Variants in FSTL5 observed in about 807,000 individuals in gnomAD.
FSTL5 encodes the protein follistatin like 5, also known as follistatin-related protein 5.
In FSTL5, 62 loss-of-function variants were observed where a neutral mutation model predicts 89.1. That is an observed-to-expected ratio of 0.70 (90% confidence interval 0.57 to 0.86). The LOEUF is 0.86. Ranked by LOEUF, FSTL5 falls within the 40% of genes least tolerant of loss-of-function variation. The pLI is 0.00. For missense variants in FSTL5, 1,057 were observed against 1,001.6 expected (o/e 1.06, Z -0.75); for synonymous variants, 383 against 346.2 (o/e 1.11, Z -1.18).
intron 2 of FSTL5, among the ~76,000 whole-genome samples, chr4:162,048,861 T>C (rs1274260007): frequency 6.6e-6 from 1 of 152,158 alleles, no homozygotes; most frequent in African/African-American, 2.4e-5. Flanking sequence ...AGCTGAAAAC[T>C]GAAACAGTCA....
chr4:161,728,905 T>A (rs549984461), intron 6 of FSTL5, among the ~76,000 whole-genome samples: 1 of 152,160 alleles, frequency 6.6e-6, no homozygotes, highest in African/African-American at 2.4e-5. Flanking sequence ...CCACCTGCAG[T>A]TAACGTTGCC....
intron 3 of FSTL5, among the ~76,000 whole-genome samples, chr4:161,982,784 T>A (rs968988643): frequency 1.3e-5 from 2 of 152,210 alleles, no homozygotes; most frequent in African/African-American, 4.8e-5. Context: ...TTTTGACTCA[T>A]TGATTTACTA....
chr4:161,617,558 C>A (rs561882499), intron 7 of FSTL5, among the ~76,000 whole-genome samples: 1 of 152,054 alleles, frequency 6.6e-6, no homozygotes, highest in South Asian at 2.1e-4. Flanking sequence ...GAAAATCATA[C>A]CTAGGCAAAT....
At chr4:161,564,008 G>A (rs1732707733) in intron 8 of FSTL5, among the ~76,000 whole-genome samples, 1 of 151,500 alleles carries the variant, frequency 6.6e-6, no homozygotes, top group Non-Finnish European at 1.5e-5. Context: ...TATAATAAAA[G>A]GAATAAAAAT....
intron 3 of FSTL5, among the ~76,000 whole-genome samples, chr4:161,990,862 T>G (rs1179683351): frequency 6.6e-6 from 1 of 152,186 alleles, no homozygotes; most frequent in Non-Finnish European, 1.5e-5. Flanking sequence ...GAAATTGAAC[T>G]GTGGAGACCT....
chr4:161,430,439 C>T (rs535339410), intron 15 of FSTL5, among the ~76,000 whole-genome samples: 38 of 152,272 alleles, frequency 2.5e-4, no homozygotes, highest in African/African-American at 7.0e-4. Context: ...TATCTCTAGA[C>T]ATTTAATAAT....
At chr4:162,024,542 C>T (rs1335059802) in intron 3 of FSTL5, among the ~76,000 whole-genome samples, 3 of 152,156 alleles carry the variant, frequency 2.0e-5, no homozygotes, top group Non-Finnish European at 2.9e-5. Flanking sequence ...ACATTTGGGG[C>T]ACACAGCAGT....
chr4:161,705,633 T>C (rs1738540704), intron 6 of FSTL5, among the ~76,000 whole-genome samples: 1 of 151,874 alleles, frequency 6.6e-6, no homozygotes. Flanking sequence ...CTCTGTACTT[T>C]GTGATTTGAT....
intron 8 of FSTL5, among the ~76,000 whole-genome samples, chr4:161,581,127 T>C (rs1195478400): frequency 1.3e-5 from 2 of 152,224 alleles, no homozygotes; most frequent in Non-Finnish European, 2.9e-5. Flanking sequence ...TTCCCACCTG[T>C]CATCTTTTTA....
At chr4:161,460,854 C>G (rs758822570) in intron 13 of FSTL5, among the ~76,000 whole-genome samples, 1 of 151,662 alleles carries the variant, frequency 6.6e-6, no homozygotes, top group Non-Finnish European at 1.5e-5. Context: ...GCAAGCACCA[C>G]AGATCCAAGG....
intron 6 of FSTL5, among the ~76,000 whole-genome samples, chr4:161,682,798 GT>G (rs1372791578): frequency 6.6e-6 from 1 of 151,876 alleles, no homozygotes; most frequent in East Asian, 1.9e-4. Context: ...CCAGGCTGGG[GT>G]GCAATGGCAT....
intron 2 of FSTL5, among the ~76,000 whole-genome samples, chr4:162,107,348 T>C (rs1213723943): frequency 6.6e-6 from 1 of 152,186 alleles, no homozygotes; most frequent in Non-Finnish European, 1.5e-5. Context: ...ACCTAATGTA[T>C]GGAATATAGC....
chr4:161,442,447 CA>C (rs1349574561), intron 15 of FSTL5, among the ~76,000 whole-genome samples: 16 of 152,070 alleles, frequency 1.1e-4, no homozygotes, highest in Non-Finnish European at 1.5e-5. Flanking sequence ...CAAATATCTT[CA>C]AAATGAGCTA....
chr4:161,524,783 C>G (rs1304701016), intron 10 of FSTL5, among the ~76,000 whole-genome samples: 1 of 151,974 alleles, frequency 6.6e-6, no homozygotes, highest in African/African-American at 2.4e-5. Flanking sequence ...CATGGTGAAA[C>G]CTTGTCTCTA....
chr4:161,811,643 G>A (rs28361905), intron 4 of FSTL5, among the ~76,000 whole-genome samples: 4,558 of 151,410 alleles, frequency 0.03, 76 homozygotes, highest in African/African-American at 0.041. Context: ...TATATCAAGC[G>A]GGCTTGAAAA....
At chr4:161,833,097 T>A (rs1290993439) in intron 4 of FSTL5, among the ~76,000 whole-genome samples, 1 of 151,032 alleles carries the variant, frequency 6.6e-6, no homozygotes, top group East Asian at 1.9e-4. Context: ...TTCTCGTTGG[T>A]TTCAAAGAAC....
At chr4:161,449,795 T>C (rs756243098) in intron 15 of FSTL5, among the ~76,000 whole-genome samples, 4 of 152,178 alleles carry the variant, frequency 2.6e-5, no homozygotes, top group Non-Finnish European at 5.9e-5. Flanking sequence ...TTTTAGTCAG[T>C]GAGAACCTTA....
At chr4:161,524,815 G>A (rs886448888) in intron 10 of FSTL5, among the ~76,000 whole-genome samples, 9 of 151,920 alleles carry the variant, frequency 5.9e-5, no homozygotes, top group African/African-American at 9.7e-5. Context: ...AAAATTAGCC[G>A]GAGGTGGTGG....
intron 4 of FSTL5, among the ~76,000 whole-genome samples, chr4:161,777,891 C>T (rs1280984493): frequency 2.0e-5 from 3 of 151,956 alleles, no homozygotes; most frequent in Admixed American, 6.6e-5. Flanking sequence ...GTCAGGAGTT[C>T]GAGGCCAGCC....
Sources: allele counts gnomAD v4.1 joint callset (sites outside exome capture counted in the v4.1 genomes callset), GRCh38; gene constraint gnomAD v4.1.1; transcripts MANE v1.5; gene names NCBI Gene and HGNC (gene_info 2026-07-23, HGNC 2026-07-21).